ZNF804A: variants seen among roughly 807,000 people sequenced by gnomAD.
The protein encoded by ZNF804A is zinc finger protein 804A.
ZNF804A carries 2 observed loss-of-function variants against 16.5 expected under a neutral mutation model. That is an observed-to-expected ratio of 0.12 (90% CI 0.05 to 0.38). The LOEUF (loss-of-function observed/expected upper bound fraction) is 0.38. Among genes scored for constraint, ZNF804A ranks in the 10% least tolerant of loss-of-function variants. ZNF804A has a pLI of 0.99. For synonymous variants in ZNF804A, 534 were observed against 489.6 expected (o/e 1.09, Z -1.20); for missense variants, 1,473 against 1,390.7 (o/e 1.06, Z -0.94).
At chr2:184,912,802 G>A (rs919349808) in intron 2 of ZNF804A, among the ~76,000 whole-genome samples, 1 of 151,890 alleles carries the variant, frequency 6.6e-6, no homozygotes, top group Non-Finnish European at 1.5e-5. Context: ...AAATTTGGTT[G>A]TCTTTTTGTT....
chr2:184,898,037 T>G (rs1685117278), intron 2 of ZNF804A, among the ~76,000 whole-genome samples: 1 of 152,146 alleles, frequency 6.6e-6, no homozygotes, highest in South Asian at 2.1e-4. Context: ...ATTTTCTTAC[T>G]GTAGAGGTTA....
intron 1 of ZNF804A, among the ~76,000 whole-genome samples, chr2:184,678,035 A>AT (rs1389721178): frequency 6.6e-6 from 1 of 152,000 alleles, no homozygotes; most frequent in African/African-American, 2.4e-5. Context: ...CTGGATATTT[A>AT]TTTTTTAAAA....
intron 1 of ZNF804A, among the ~76,000 whole-genome samples, chr2:184,861,296 T>C (rs912274522): frequency 9.9e-5 from 15 of 152,200 alleles, no homozygotes; most frequent in Admixed American, 6.5e-5. Flanking sequence ...CTTTCCTACA[T>C]TCTTCAATGG....
chr2:184,746,152 A>C (rs1402071177), intron 1 of ZNF804A, among the ~76,000 whole-genome samples: 1 of 151,588 alleles, frequency 6.6e-6, no homozygotes, highest in African/African-American at 2.4e-5. Flanking sequence ...TGGTATATCC[A>C]TCACCTAAAA....
At chr2:184,920,570 C>CT (rs1334532578) in intron 2 of ZNF804A, among the ~76,000 whole-genome samples, 3 of 152,094 alleles carry the variant, frequency 2.0e-5, no homozygotes, top group African/African-American at 7.2e-5. Context: ...GAAACTGTGA[C>CT]TTTTTTCTAA....
In ZNF804A at chr2:184,933,636, C is replaced by A. The variant is rs769049392; in HGVS notation, c.289C>A (p.Arg97=). 2.5e-6 allele frequency: 4 copies of A among 1,605,198 alleles called. No individual in the cohort carries two copies. The highest frequency in any genetic ancestry group is 1.1e-5 in the South Asian group (1 of 89,104). The change falls in exon 3 of 4, where the codon CGA becomes AGA. Residue 97 remains arginine, a synonymous_variant. Coordinates refer to ENST00000302277, the MANE Select transcript of ZNF804A (RefSeq NM_194250.2). ...LKELKQREFA[R]NVASKSRKDE... ...GGAACTGAAACAAAGGGAATTTGCT[C>A]GAAATGTAGCATCTAAATCCAGGAA...
chr2:184,714,514 C>T (rs1559133181), intron 1 of ZNF804A, among the ~76,000 whole-genome samples: 3 of 152,044 alleles, frequency 2.0e-5, no homozygotes, highest in Admixed American at 1.3e-4. Flanking sequence ...ACTTCTACAG[C>T]TTGTGAATTA....
intron 1 of ZNF804A, among the ~76,000 whole-genome samples, chr2:184,711,790 C>T (rs1054857277): frequency 2.0e-5 from 3 of 151,558 alleles, no homozygotes; most frequent in Non-Finnish European, 3.0e-5. Flanking sequence ...GTTGACCATA[C>T]ATATATGGGT....
At position 184,716,670 on chromosome 2, in the gene ZNF804A, T is replaced by A. The variant is rs1009838291; in HGVS notation, c.111+117600T>A. Among the ~76,000 whole-genome samples, 11 of 152,230 alleles carry A rather than the reference T, an allele frequency of 7.2e-5. No individual in the cohort carries two copies. In the East Asian group the frequency reaches 2.1e-3, roughly 29 times the overall value. On this transcript the variant is annotated intron_variant, in intron 1 of 3. Transcript: ENST00000302277. Reference sequence around the variant, plus strand: ...GAATGCTTACATGGAGTGAATAACTTTTAGTTATTTGAATTTTAATACTAC... The same window carrying A: ...GAATGCTTACATGGAGTGAATAACTATTAGTTATTTGAATTTTAATACTAC...
rs965115997 is a variant in ZNF804A, at chr2:184,822,886, T to C, written c.112-43483T>C. 1.3e-5 allele frequency among the ~76,000 whole-genome samples: 2 copies of C among 152,148 alleles called. 1 individual carries two copies. Among genetic ancestry groups the C allele is most frequent in the Admixed American group, 1.3e-4 (2 of 15,240 alleles). On this transcript the variant is annotated intron_variant, in intron 1 of 3. Transcript: ENST00000302277. Reference sequence around the variant, plus strand: ...CCTTGTTTGGGATTATTTGATTTGATCTAAAGAAAATGTTATTTTTTTGTC... The same window carrying C: ...CCTTGTTTGGGATTATTTGATTTGACCTAAAGAAAATGTTATTTTTTTGTC...
At chr2:184,691,051 A>C (rs969134163) in intron 1 of ZNF804A, among the ~76,000 whole-genome samples, 1 of 152,062 alleles carries the variant, frequency 6.6e-6, no homozygotes, top group Admixed American at 6.6e-5. Flanking sequence ...ATACTTTTAA[A>C]AATAAGATAT....
intron 2 of ZNF804A, among the ~76,000 whole-genome samples, chr2:184,912,071 T>G (rs1442686367): frequency 6.6e-6 from 1 of 151,998 alleles, no homozygotes; most frequent in African/African-American, 2.4e-5. Context: ...TACATTTACA[T>G]AGTGTGAACA....
intron 2 of ZNF804A, among the ~76,000 whole-genome samples, chr2:184,918,759 A>G (rs7571112): frequency 0.063 from 9,574 of 152,230 alleles, 1,016 homozygotes; most frequent in African/African-American, 0.21. Context: ...TTTACTATAC[A>G]CTTATTTGTA....
intron 1 of ZNF804A, among the ~76,000 whole-genome samples, chr2:184,696,511 A>G (rs1049979578): frequency 2.0e-5 from 3 of 152,164 alleles, no homozygotes; most frequent in African/African-American, 7.2e-5. Flanking sequence ...AAAGGATGAG[A>G]GTTTCTGGGA....
chr2:184,605,589 A>G (rs961356370), intron 1 of ZNF804A, among the ~76,000 whole-genome samples: 2 of 152,136 alleles, frequency 1.3e-5, no homozygotes, highest in African/African-American at 2.4e-5. Context: ...TAAATAATAC[A>G]GTATAACAAC....
chr2:184,697,298 TAAGG>T (rs1375525433), intron 1 of ZNF804A, among the ~76,000 whole-genome samples: 1 of 151,966 alleles, frequency 6.6e-6, no homozygotes, highest in African/African-American at 2.4e-5. Context: ...CATGAAGAGA[TAAGG>T]AAGATGAGAA....
At chr2:184,777,622 A>G (rs1321107639) in intron 1 of ZNF804A, among the ~76,000 whole-genome samples, 1 of 151,676 alleles carries the variant, frequency 6.6e-6, no homozygotes, top group Non-Finnish European at 1.5e-5. Context: ...AAAGAAACTC[A>G]TACAACCATT....
chr2:184,883,982 A>G (rs1309391640), intron 2 of ZNF804A, among the ~76,000 whole-genome samples: 1 of 152,142 alleles, frequency 6.6e-6, no homozygotes, highest in Non-Finnish European at 1.5e-5. Context: ...GAAAGAAACA[A>G]AAGGCATCTG....
chr2:184,920,479 G>A (rs543005594), intron 2 of ZNF804A, among the ~76,000 whole-genome samples: 5 of 152,124 alleles, frequency 3.3e-5, no homozygotes, highest in Admixed American at 6.5e-5. Context: ...TTCTCAATGC[G>A]GACCTCTATG....
Sources: gnomAD v4.1 joint callset for allele counts (sites outside exome capture counted in the v4.1 genomes callset) on GRCh38, gnomAD v4.1.1 for gene constraint, MANE v1.5 for transcripts, NCBI Gene and HGNC (gene_info 2026-07-23, HGNC 2026-07-21) for gene names.